Variants in ADGRG6 observed in about 807,000 individuals in gnomAD.
ADGRG6 encodes the protein G-protein coupled receptor 126.
Under a neutral mutation model 142.4 loss-of-function variants are expected in ADGRG6, and 84 were observed. The ratio of observed to expected loss-of-function variants is 0.59; its 90% CI spans 0.49 to 0.71. The LOEUF is 0.71. Ranked by LOEUF, ADGRG6 falls within the 30% of genes least tolerant of loss-of-function variation. The pLI is 0.00. For synonymous variants in ADGRG6, 521 were observed against 520.5 expected (o/e 1.00, Z -0.01); for missense variants, 1,367 against 1,466.6 (o/e 0.93, Z 1.11).
intron 2 of ADGRG6, among the ~76,000 whole-genome samples, chr6:142,350,067 T>C (rs1414290547): frequency 1.3e-5 from 2 of 151,328 alleles, no homozygotes; most frequent in African/African-American, 4.9e-5. Context: ...CTTGATTGCA[T>C]AAGCAAGGTA....
chr6:142,359,992 T>C (rs1477921030), intron 2 of ADGRG6, among the ~76,000 whole-genome samples: 2 of 152,198 alleles, frequency 1.3e-5, no homozygotes, highest in Middle Eastern at 3.2e-3. Context: ...GACCAAACTT[T>C]TATCCAAGAG....
At chr6:142,432,139 T>C (rs1274989039) in intron 22 of ADGRG6, among the ~76,000 whole-genome samples, 1 of 152,174 alleles carries the variant, frequency 6.6e-6, no homozygotes. Context: ...CCAGGTGCCC[T>C]TGGCTCTCTG....
intron 24 of ADGRG6, among the ~76,000 whole-genome samples, chr6:142,441,253 G>T (rs951108571): frequency 1.3e-5 from 2 of 152,126 alleles, no homozygotes; most frequent in Non-Finnish European, 2.9e-5. Flanking sequence ...CTTGAGAAAA[G>T]ATTTGTTGTA....
chr6:142,330,947 T>C (rs567411719), intron 2 of ADGRG6, among the ~76,000 whole-genome samples: 85 of 152,206 alleles, frequency 5.6e-4, no homozygotes, highest in African/African-American at 1.9e-3. Context: ...AAAAAAAAGC[T>C]TTTTAAGCTT....
At chr6:142,428,507 A>G (rs1447255170) in intron 22 of ADGRG6, among the ~76,000 whole-genome samples, 1 of 152,186 alleles carries the variant, frequency 6.6e-6, no homozygotes, top group East Asian at 1.9e-4. Context: ...ACTGCTATAT[A>G]GAACTTCCTT....
intron 24 of ADGRG6, among the ~76,000 whole-genome samples, chr6:142,440,709 A>C (rs1006334143): frequency 6.6e-6 from 1 of 152,210 alleles, no homozygotes; most frequent in South Asian, 2.1e-4. Flanking sequence ...GTTATATGGC[A>C]TTACTTCAAT....
chr6:142,349,664 T>A (rs1780066287), intron 2 of ADGRG6, among the ~76,000 whole-genome samples: 1 of 152,192 alleles, frequency 6.6e-6, no homozygotes, highest in African/African-American at 2.4e-5. Flanking sequence ...GACTACATGA[T>A]GTTGGCTATT....
At chr6:142,429,334 A>G (rs1223797245) in intron 22 of ADGRG6, among the ~76,000 whole-genome samples, 1 of 152,218 alleles carries the variant, frequency 6.6e-6, no homozygotes, top group Non-Finnish European at 1.5e-5. Flanking sequence ...TTACATGTAT[A>G]ATACACATAT....
chr6:142,369,792 G>A (rs1781146334), intron 3 of ADGRG6, among the ~76,000 whole-genome samples: 1 of 152,144 alleles, frequency 6.6e-6, no homozygotes, highest in Non-Finnish European at 1.5e-5. Context: ...TAGTATTTTT[G>A]AAAATCTTAA....
rs576530680 is a variant in ADGRG6, at chr6:142,303,516, A to G, written c.2+1185A>G. On this transcript the variant is annotated intron_variant, in intron 1 of 24. Transcript: ENST00000367609. ...TATTTTTACTGAAACTGCATGTGAA[A>G]TAATTCCACACCTGGGAGTTTTAAA... Among the ~76,000 whole-genome samples, 3 of 152,380 alleles carry G rather than the reference A, an allele frequency of 2.0e-5. No homozygotes were observed. The East Asian group carries it at 5.8e-4, about 29-fold the overall frequency.
intron 9 of ADGRG6, among the ~76,000 whole-genome samples, chr6:142,394,889 C>G (rs141389929): frequency 6.6e-6 from 1 of 152,072 alleles, no homozygotes; most frequent in Non-Finnish European, 1.5e-5. Flanking sequence ...GATGTCATAT[C>G]TGGCCTCCAT....
At position 142,437,328 on chromosome 6, in the gene ADGRG6, C is replaced by T. The variant is rs762560112; in HGVS notation, c.3320-106C>T. ...CCTTAAGATCTTTGTTTCTTAGTGCCTTTGATGTAAAAAATTTAAAATTAA... is the reference window on the plus strand; with the variant it reads ...CCTTAAGATCTTTGTTTCTTAGTGCTTTTGATGTAAAAAATTTAAAATTAA... On this transcript the variant is annotated intron_variant, in intron 22 of 24. Coordinates refer to ENST00000367609, the MANE Select transcript of ADGRG6 (RefSeq NM_198569.3). 3 of 587,004 alleles carry T rather than the reference C, an allele frequency of 5.1e-6. No individual in the cohort carries two copies. In the East Asian group the frequency reaches 8.8e-5, roughly 17 times the overall value. The allele number at this position is 587,004 out of a possible 1,614,324, so 36.4% of individuals were successfully genotyped here. A position where few individuals can be genotyped will look rare whatever the true frequency, so the allele number is the denominator to read the frequency against.
At chr6:142,388,372 A>G (rs570296012) in intron 6 of ADGRG6, among the ~76,000 whole-genome samples, 1 of 152,148 alleles carries the variant, frequency 6.6e-6, no homozygotes, top group Non-Finnish European at 1.5e-5. Flanking sequence ...GAGGGAACAA[A>G]TACTACTGTT....
chr6:142,410,362 G>T (rs769588071), intron 17 of ADGRG6, among the ~76,000 whole-genome samples: 1 of 152,056 alleles, frequency 6.6e-6, no homozygotes, highest in Non-Finnish European at 1.5e-5. Flanking sequence ...CTGAAGGAAT[G>T]TAAATATAGA....
chr6:142,311,884 T>C (rs1332088103), intron 2 of ADGRG6, among the ~76,000 whole-genome samples: 3 of 151,994 alleles, frequency 2.0e-5, no homozygotes, highest in African/African-American at 4.8e-5. Context: ...ACTTCTCTTT[T>C]AACCTTTAAA....
chr6:142,402,143 C>A (rs968906773), intron 12 of ADGRG6, 85 bp downstream of exon 12: 1 of 692,980 alleles, frequency 1.4e-6, no homozygotes, highest in African/African-American at 1.8e-5. Context: ...CGAGAATATT[C>A]TTCTGCTCTG....
intron 21 of ADGRG6, among the ~76,000 whole-genome samples, chr6:142,417,573 T>C (rs746538621): frequency 2.6e-5 from 4 of 152,186 alleles, no homozygotes; most frequent in Non-Finnish European, 5.9e-5. Context: ...CATTGTACTC[T>C]GTCATATGGA....
intron 2 of ADGRG6, among the ~76,000 whole-genome samples, chr6:142,366,805 T>C (rs914836131): frequency 6.6e-6 from 1 of 151,758 alleles, no homozygotes; most frequent in Non-Finnish European, 1.5e-5. Context: ...TTGCTGCTCA[T>C]TGATATTGAT....
At chr6:142,364,203 G>A (rs1301782481) in intron 2 of ADGRG6, among the ~76,000 whole-genome samples, 1 of 152,094 alleles carries the variant, frequency 6.6e-6, no homozygotes, top group Non-Finnish European at 1.5e-5. Flanking sequence ...ATATGTGAAA[G>A]CTTGTTATTG....
Sources: allele counts gnomAD v4.1 joint callset (sites outside exome capture counted in the v4.1 genomes callset), GRCh38; gene constraint gnomAD v4.1.1; transcripts MANE v1.5; gene names NCBI Gene and HGNC (gene_info 2026-07-23, HGNC 2026-07-21).